Variants in CNTNAP4 observed in about 807,000 individuals in gnomAD.
The protein encoded by CNTNAP4 is contactin associated protein family member 4.
In CNTNAP4, 98 loss-of-function variants were observed where a neutral mutation model predicts 148.4. That is an observed-to-expected ratio of 0.66 (90% confidence interval 0.56 to 0.78). The LOEUF (loss-of-function observed/expected upper bound fraction) is 0.78. Among genes scored for constraint, CNTNAP4 ranks in the 30% least tolerant of loss-of-function variants. CNTNAP4 has a pLI of 0.00. For synonymous variants in CNTNAP4, 730 were observed against 565.1 expected (o/e 1.29, Z -4.14); for missense variants, 1,935 against 1,565.6 (o/e 1.24, Z -3.98).
intron 21 of CNTNAP4, among the ~76,000 whole-genome samples, chr16:76,551,745 A>G (rs540018009): frequency 6.0e-4 from 91 of 152,340 alleles, no homozygotes; most frequent in Non-Finnish European, 7.5e-4. Context: ...AACACTGGCT[A>G]GCACATAATA....
intron 1 of CNTNAP4, among the ~76,000 whole-genome samples, chr16:76,298,269 G>A (rs1433768407): frequency 1.3e-5 from 2 of 152,138 alleles, no homozygotes; most frequent in African/African-American, 4.8e-5. Context: ...CAGTGAACCT[G>A]AATAGAACTG....
chr16:76,468,574 A>T (rs1011596892), intron 10 of CNTNAP4, among the ~76,000 whole-genome samples: 1 of 152,088 alleles, frequency 6.6e-6, no homozygotes, highest in Non-Finnish European at 1.5e-5. Context: ...TGCACCCTCC[A>T]CCTCCTTAGC....
At chr16:76,534,774 C>G (rs962737128) in intron 17 of CNTNAP4, among the ~76,000 whole-genome samples, 1 of 152,150 alleles carries the variant, frequency 6.6e-6, no homozygotes, top group Non-Finnish European at 1.5e-5. Context: ...ATGTGTTACC[C>G]ATATTTCTTA....
intron 3 of CNTNAP4, among the ~76,000 whole-genome samples, chr16:76,370,167 G>A (rs992468503): frequency 5.9e-5 from 9 of 151,986 alleles, no homozygotes; most frequent in African/African-American, 1.9e-4. Flanking sequence ...AGCGTACCTT[G>A]GTTGTCAATA....
Position 76,553,443 on chromosome 16 carries a change from C to A in CNTNAP4, c.3603C>A (p.Ser1201Arg). 1 of 1,612,640 alleles carries A rather than the reference C, an allele frequency of 6.2e-7. No homozygotes were observed. The highest frequency in any genetic ancestry group is 1.1e-5 in the South Asian group (1 of 90,616). The part of the protein sequence containing the change: ...VTVTGHVTES[S>R]CMAQPGTDAT... ...TTACAGGACACGTGACTGAGTCCAG[C>A]TGTATGGCCCAGCCTGGCACTGATG... Residue 1201 changes from serine (S) to arginine (R), a missense_variant, in exon 22 of 24, where the codon AGC (serine) becomes AGA (arginine). Ser to Arg is a moderately radical substitution (Grantham distance 110). Transcript: ENST00000611870.
chr16:76,539,347 GATAT>G (rs2144277654), intron 19 of CNTNAP4, among the ~76,000 whole-genome samples: 1 of 152,016 alleles, frequency 6.6e-6, no homozygotes, highest in African/African-American at 2.4e-5. Flanking sequence ...CAGAGTGTGA[GATAT>G]ATTTTTTAAA....
At chr16:76,527,228 A>AT (rs1568517346) in intron 17 of CNTNAP4, among the ~76,000 whole-genome samples, 1 of 151,986 alleles carries the variant, frequency 6.6e-6, no homozygotes, top group Non-Finnish European at 1.5e-5. Context: ...TTGTTTATAG[A>AT]TTTTGTTCCA....
chr16:76,471,141 C>T (rs11647030), intron 10 of CNTNAP4, among the ~76,000 whole-genome samples: 53,969 of 151,626 alleles, frequency 0.36, 10,350 homozygotes, highest in Non-Finnish European at 0.42. Context: ...CTCTTAGAAG[C>T]CCTCCCCTTG....
intron 1 of CNTNAP4, among the ~76,000 whole-genome samples, chr16:76,305,805 C>T (rs928762608): frequency 5.9e-5 from 9 of 152,108 alleles, no homozygotes; most frequent in African/African-American, 2.2e-4. Flanking sequence ...CACATGGTCC[C>T]CTCCCTTTCT....
rs536441497 is a variant in CNTNAP4 at position 76,513,625 on chromosome 16, A to C, written c.2366-7515A>C. 9.8e-5 allele frequency among the ~76,000 whole-genome samples: 15 copies of C among 152,332 alleles called. No individual in the cohort carries two copies. The South Asian group carries it at 2.7e-3, about 27-fold the overall frequency. On this transcript the variant is annotated intron_variant, in intron 15 of 23. Coordinates refer to ENST00000611870, the MANE Select transcript of CNTNAP4 (RefSeq NM_033401.5). Reference sequence around the variant, plus strand: ...ATTTTCTATACATGGAAAAATATTCAACATGCCAGATTACAAATGGGCTGT... The same window carrying C: ...ATTTTCTATACATGGAAAAATATTCCACATGCCAGATTACAAATGGGCTGT...
chr16:76,486,321 C>A (rs1267877716), intron 12 of CNTNAP4, among the ~76,000 whole-genome samples: 2 of 152,052 alleles, frequency 1.3e-5, no homozygotes, highest in African/African-American at 4.8e-5. Context: ...TTTTAAAATG[C>A]ATTATTAATG....
chr16:76,350,244 A>G (rs958935877), intron 2 of CNTNAP4, among the ~76,000 whole-genome samples: 1 of 152,162 alleles, frequency 6.6e-6, no homozygotes, highest in Non-Finnish European at 1.5e-5. Context: ...ACATCCTCCC[A>G]CTGATTAAAA....
intron 18 of CNTNAP4, among the ~76,000 whole-genome samples, chr16:76,536,677 G>A (rs2084228697): frequency 6.6e-6 from 1 of 152,064 alleles, no homozygotes; most frequent in Non-Finnish European, 1.5e-5. Context: ...TGTATGATAT[G>A]TTGAATATCT....
intron 1 of CNTNAP4, chr16:76,309,872 C>A (rs964649941): frequency 1.4e-6 from 1 of 701,578 alleles, no homozygotes; most frequent in African/African-American, 1.7e-5. Context: ...CTTGCAGCCG[C>A]CATGATTCTG....
chr16:76,342,360 C>G (rs1393958157), intron 2 of CNTNAP4, among the ~76,000 whole-genome samples: 1 of 151,748 alleles, frequency 6.6e-6, no homozygotes, highest in African/African-American at 2.4e-5. Flanking sequence ...GAAGGAAAAA[C>G]TGGCATCATT....
At chr16:76,518,854 C>A (rs765315430) in intron 15 of CNTNAP4, among the ~76,000 whole-genome samples, 1 of 152,152 alleles carries the variant, frequency 6.6e-6, no homozygotes, top group East Asian at 1.9e-4. Flanking sequence ...TTTCCCCCTC[C>A]GCCATTTCCT....
At chr16:76,329,127 C>T (rs1334263525) in intron 2 of CNTNAP4, among the ~76,000 whole-genome samples, 1 of 152,060 alleles carries the variant, frequency 6.6e-6, no homozygotes, top group South Asian at 2.1e-4. Context: ...TTGTGTGTGC[C>T]TGTATAATAA....
At chr16:76,321,898 G>C (rs11861063) in intron 2 of CNTNAP4, among the ~76,000 whole-genome samples, 4 of 151,030 alleles carry the variant, frequency 2.6e-5, no homozygotes, top group African/African-American at 9.7e-5. Flanking sequence ...TATAACTTTT[G>C]TACAGGATTG....
intron 1 of CNTNAP4, among the ~76,000 whole-genome samples, chr16:76,292,014 A>C (rs562663449): frequency 1.5e-4 from 23 of 152,340 alleles, no homozygotes; most frequent in African/African-American, 5.5e-4. Flanking sequence ...ACTTTTATTT[A>C]AACATTCCTC....
Sources: allele counts gnomAD v4.1 joint callset (sites outside exome capture counted in the v4.1 genomes callset), GRCh38; gene constraint gnomAD v4.1.1; transcripts MANE v1.5; gene names NCBI Gene and HGNC (gene_info 2026-07-23, HGNC 2026-07-21).